The following ZFP14 variants were observed in gnomAD, a reference collection of about 807,000 sequenced individuals.
ZFP14 encodes zinc finger protein 14 homolog.
In ZFP14, 22 loss-of-function variants were observed where a neutral mutation model predicts 54.5. The ratio of observed to expected loss-of-function variants is 0.40; its 90% confidence interval spans 0.29 to 0.58. The LOEUF (loss-of-function observed/expected upper bound fraction) is 0.58. Ranked by LOEUF, ZFP14 falls within the 20% of genes least tolerant of loss-of-function variation. ZFP14 has a pLI of 0.39. For synonymous variants in ZFP14, 159 were observed against 204.0 expected, an observed-to-expected ratio of 0.78 and a Z score of 1.88; for missense variants, 470 against 637.8, an observed-to-expected ratio of 0.74 and a Z score of 2.83.
rs765839584 is a variant in ZFP14, at chr19:36,376,554, G to GA, written c.-80+2608dup. Among the ~76,000 whole-genome samples the GA allele has an allele frequency of 7.6e-3, 1,060 of 139,818 alleles. 3 individuals carry two copies. Among genetic ancestry groups the GA allele is most frequent in the Non-Finnish European group, 9.9e-3 (628 of 63,510 alleles). 91.7% of individuals were successfully genotyped at this position (139,818 alleles called of 152,430 possible). On this transcript the variant is annotated intron_variant, in intron 1 of 4. Transcript: ENST00000270001. ...AGCAAAACTCTGTCTCAAAAAAAAAGAAAAAAAAAAAATTCTTCGCAGCCC... is the reference window on the plus strand; with the variant it reads ...AGCAAAACTCTGTCTCAAAAAAAAAGAAAAAAAAAAAAATTCTTCGCAGCCC...
At chr19:36,360,919 C>T (rs146209292) in intron 3 of ZFP14, among the ~76,000 whole-genome samples, 12 of 152,232 alleles carry the variant, frequency 7.9e-5, no homozygotes, top group Admixed American at 3.3e-4. Context: ...TTTGTGTCTA[C>T]GTTTTCTCAA....
At chr19:36,342,403 T>A (rs1165233176) in intron 4 of ZFP14, among the ~76,000 whole-genome samples, 3 of 151,614 alleles carry the variant, frequency 2.0e-5, no homozygotes, top group Non-Finnish European at 4.4e-5. Flanking sequence ...GCCAGACTGG[T>A]CTCGAACTCC....
chr19:36,374,441 T>C (rs1382273686), intron 1 of ZFP14, among the ~76,000 whole-genome samples: 1 of 147,044 alleles, frequency 6.8e-6, no homozygotes, highest in African/African-American at 2.5e-5. Flanking sequence ...AATGAGCCGA[T>C]GTCGTGCCGT....
At chr19:36,357,610 A>C (rs2031636833) in intron 4 of ZFP14, among the ~76,000 whole-genome samples, 1 of 152,202 alleles carries the variant, frequency 6.6e-6, no homozygotes. Context: ...ATCTTTGTCA[A>C]ACAATAAATG....
chr19:36,360,339 A>G, intron 4 of ZFP14, 96 bp downstream of exon 4: 1 of 1,064,308 alleles, frequency 9.4e-7, no homozygotes, highest in Non-Finnish European at 1.3e-6. Flanking sequence ...CTTTTTGAAG[A>G]GAGACCCCAA....
Position 36,350,609 on chromosome 19 carries a change from C to CAA in ZFP14, c.236-9021_236-9020dup, listed in dbSNP as rs202063596. Among the ~76,000 whole-genome samples the CAA allele has an allele frequency of 1.5e-5, 2 of 131,724 alleles. 1 individual carries two copies. The highest frequency in any genetic ancestry group is 5.6e-5 in the African/African-American group (2 of 35,896). The allele number at this position is 131,724 out of a possible 152,430, so 86.4% of individuals were successfully genotyped here. ...AAGCAAGATCCTGTCTTTAAAAAAC[C>CAA]AAAAAAAAACAAAAAACAGCTTCCT... On this transcript the variant is annotated intron_variant, in intron 4 of 4. Transcript: ENST00000270001.
At chr19:36,343,494 CTCAAA>C (rs1397768114) in intron 4 of ZFP14, among the ~76,000 whole-genome samples, 2 of 152,168 alleles carry the variant, frequency 1.3e-5, no homozygotes, top group Non-Finnish European at 2.9e-5. Flanking sequence ...CATTCTCAGC[CTCAAA>C]TCAAAATCAC....
At chr19:36,366,794 T>TA (rs1235367641) in intron 2 of ZFP14, among the ~76,000 whole-genome samples, 1 of 152,148 alleles carries the variant, frequency 6.6e-6, no homozygotes, top group Non-Finnish European at 1.5e-5. Flanking sequence ...GCCATACACT[T>TA]ATGGTTTGTA....
intron 4 of ZFP14, among the ~76,000 whole-genome samples, chr19:36,346,386 A>G (rs1467081143): frequency 6.6e-6 from 1 of 152,224 alleles, no homozygotes; most frequent in African/African-American, 2.4e-5. Flanking sequence ...TAAGATAATA[A>G]GAGAAAAAGG....
chr19:36,361,662 G>A (rs1042893009), intron 3 of ZFP14, among the ~76,000 whole-genome samples: 7 of 152,122 alleles, frequency 4.6e-5, no homozygotes, highest in South Asian at 2.1e-4. Flanking sequence ...AGTCTCCCGA[G>A]TAGCTGGGAT....
At chr19:36,369,135 C>T (rs1161599875) in intron 1 of ZFP14, among the ~76,000 whole-genome samples, 8 of 152,200 alleles carry the variant, frequency 5.3e-5, no homozygotes, top group Admixed American at 5.2e-4. Context: ...AGCCACCGTG[C>T]CCGGCCCCAC....
At chr19:36,369,782 C>G (rs2031852714) in intron 1 of ZFP14, among the ~76,000 whole-genome samples, 2 of 151,970 alleles carry the variant, frequency 1.3e-5, no homozygotes, top group African/African-American at 4.8e-5. Context: ...CAGGAGAAAT[C>G]TGATCATCAG....
At chr19:36,356,702 T>C (rs2031620353) in intron 4 of ZFP14, among the ~76,000 whole-genome samples, 1 of 151,950 alleles carries the variant, frequency 6.6e-6, no homozygotes, top group South Asian at 2.1e-4. Context: ...TATGTGATTT[T>C]GCAAATATTA....
At chr19:36,349,231 C>CAA (rs1308523351) in intron 4 of ZFP14, among the ~76,000 whole-genome samples, 184 of 4,184 alleles carry the variant, frequency 0.044, 21 homozygotes, top group Non-Finnish European at 0.057. Context: ...AACTCTGTCT[C>CAA]AAAAAAAAAA....
rs2031295634 is a variant in ZFP14 at position 36,340,737 on chromosome 19, A to G, written c.1089T>C (p.Thr363=). ...CCTTACATTCGTAGGGTTTCTCACC[A>G]GTATGAATACTCTGATGAACAGTAA... ...QQLTVHQSIH[T]GEKPYECKEC... is the part of the protein sequence containing the mutation. The change falls in exon 5 of 5, where the codon ACT becomes ACC. Residue 363 remains threonine, a synonymous_variant. Coordinates refer to ENST00000270001, the MANE Select transcript of ZFP14 (RefSeq NM_020917.3). This position sits in a 1 kb window ranked among gnomAD's most constrained non-coding sequence, Gnocchi z 5.4. 1.9e-6 allele frequency: 3 copies of G among 1,614,078 alleles called. No individual in the cohort carries two copies. Among genetic ancestry groups the G allele is most frequent in the South Asian group, 2.2e-5 (2 of 91,070 alleles).
At chr19:36,356,765 G>A (rs1054816544) in intron 4 of ZFP14, among the ~76,000 whole-genome samples, 1 of 152,064 alleles carries the variant, frequency 6.6e-6, no homozygotes, top group African/African-American at 2.4e-5. Context: ...TTGTCACTCA[G>A]CATAATTTCC....
At chr19:36,354,306 G>T (rs1379233835) in intron 4 of ZFP14, among the ~76,000 whole-genome samples, 1 of 133,564 alleles carries the variant, frequency 7.5e-6, no homozygotes, top group Non-Finnish European at 1.6e-5. Context: ...GGGAGGTGGA[G>T]ATTGCAGTGA....
At chr19:36,378,867 C>T (rs2032004347) in intron 1 of ZFP14, 1 of 152,298 alleles carries the variant, frequency 6.6e-6, no homozygotes, top group South Asian at 2.1e-4. Flanking sequence ...TCCGAGTTCC[C>T]CGCAGTTTCC....
At chr19:36,360,183 T>C (rs1468871648) in intron 4 of ZFP14, 6 of 291,386 alleles carry the variant, frequency 2.1e-5, no homozygotes, top group Admixed American at 1.5e-4. Context: ...CTACCAGGAA[T>C]AGTTCTTCTC....
Sources: gnomAD v4.1 joint callset for allele counts (sites outside exome capture counted in the v4.1 genomes callset) on GRCh38, gnomAD v4.1.1 for gene constraint, Gnocchi (gnomAD v3.1) non-coding constraint, MANE v1.5 for transcripts, NCBI Gene and HGNC (gene_info 2026-07-23, HGNC 2026-07-21) for gene names.